Variants in CHODL observed in about 807,000 individuals in gnomAD.
CHODL encodes chondrolectin, also known as transmembrane protein MT75.
In CHODL, 29 loss-of-function variants were observed where a neutral mutation model predicts 34.5. That is an observed-to-expected ratio of 0.84 (90% CI 0.63 to 1.15). The LOEUF (loss-of-function observed/expected upper bound fraction) is 1.15, where lower values mean the gene tolerates loss of function less well. Among genes scored for constraint, CHODL ranks in the 50% most tolerant of loss-of-function variants. The probability of loss-of-function intolerance (pLI) is 0.00; values close to 1 mark genes in which losing one functional copy is unlikely to be tolerated. For missense variants in CHODL, 332 were observed against 332.5 expected (o/e 1.00, Z 0.01); for synonymous variants, 125 against 116.1 (o/e 1.08, Z -0.49).
At chr21:18,041,109 T>C (rs1162493344) in intron 2 of CHODL, among the ~76,000 whole-genome samples, 3 of 151,984 alleles carry the variant, frequency 2.0e-5, no homozygotes, top group African/African-American at 7.2e-5. Context: ...TGATGATTTC[T>C]GTAAGCTGAA....
intron 2 of CHODL, among the ~76,000 whole-genome samples, chr21:18,108,512 C>T (rs1047613366): frequency 6.6e-6 from 1 of 152,144 alleles, no homozygotes; most frequent in Non-Finnish European, 1.5e-5. Context: ...TGATCAGCCC[C>T]AGATGAGGGT....
intron 2 of CHODL, among the ~76,000 whole-genome samples, chr21:18,100,457 G>T (rs1463972255): frequency 6.6e-6 from 1 of 152,006 alleles, no homozygotes; most frequent in Admixed American, 6.6e-5. Flanking sequence ...GAAAGGGGAT[G>T]GTGACTGTTT....
intron 1 of CHODL, among the ~76,000 whole-genome samples, chr21:18,018,383 G>A (rs1015164441): frequency 6.6e-6 from 1 of 152,158 alleles, no homozygotes; most frequent in African/African-American, 2.4e-5. Context: ...GGCCTAGTGG[G>A]AGGTATTTGG....
chr21:18,101,051 G>T lies in CHODL; in HGVS notation c.-45+73080G>T, dbSNP rs146716920. On this transcript the variant is annotated intron_variant, in intron 2 of 6. Coordinates refer to the CHODL transcript ENST00000400127. ...GTCCCCACCCAAATCTCATCTTGTA[G>T]CTCAATGATTCCCACGTGTTGTGGG... Among the ~76,000 whole-genome samples the T allele has an allele frequency of 1.2e-3, 176 of 152,200 alleles. 1 individual carries two copies. The highest frequency in any genetic ancestry group is 4.0e-3 in the African/African-American group (166 of 41,550).
intron 1 of CHODL, among the ~76,000 whole-genome samples, chr21:17,947,534 CACACACACAG>C (rs1033683525): frequency 1.3e-4 from 13 of 100,398 alleles, no homozygotes; most frequent in Admixed American, 3.4e-4. Flanking sequence ...TAATAAGAAA[CACACACACAG>C]ACACACACAC....
intron 2 of CHODL, among the ~76,000 whole-genome samples, chr21:18,084,276 CTG>C (rs1373185842): frequency 1.4e-5 from 2 of 146,114 alleles, no homozygotes; most frequent in African/African-American, 4.9e-5. Context: ...CCTGTTAAAC[CTG>C]TGAGTTATTT....
intron 2 of CHODL, among the ~76,000 whole-genome samples, chr21:18,101,369 T>C (rs1465945925): frequency 6.6e-6 from 1 of 152,174 alleles, no homozygotes; most frequent in African/African-American, 2.4e-5. Flanking sequence ...AATGGACCAA[T>C]ACAAATAGTA....
chr21:17,978,415 C>T (rs1443119780), intron 1 of CHODL, among the ~76,000 whole-genome samples: 3 of 137,624 alleles, frequency 2.2e-5, no homozygotes, highest in Non-Finnish European at 4.7e-5. Flanking sequence ...GAGCGAGACT[C>T]CGTATCAAAA....
intron 1 of CHODL, among the ~76,000 whole-genome samples, chr21:18,016,874 G>T (rs1056782165): frequency 6.6e-6 from 1 of 152,246 alleles, no homozygotes; most frequent in Non-Finnish European, 1.5e-5. Flanking sequence ...GGAGGTCAAA[G>T]GAGATTATTT....
At chr21:18,128,836 AAATT>A (rs1186189811) in intron 2 of CHODL, among the ~76,000 whole-genome samples, 1 of 152,086 alleles carries the variant, frequency 6.6e-6, no homozygotes, top group Non-Finnish European at 1.5e-5. Flanking sequence ...TTTATTTGTA[AAATT>A]AATAGTTTCA....
At chr21:18,184,501 G>A (rs1273159315) in intron 2 of CHODL, among the ~76,000 whole-genome samples, 1 of 152,138 alleles carries the variant, frequency 6.6e-6, no homozygotes, top group Admixed American at 6.5e-5. Flanking sequence ...GTCTGAAATA[G>A]GCATTGGTTT....
At chr21:17,953,280 A>G (rs905700329) in intron 1 of CHODL, among the ~76,000 whole-genome samples, 1 of 152,188 alleles carries the variant, frequency 6.6e-6, no homozygotes, top group Non-Finnish European at 1.5e-5. Flanking sequence ...TAGAGCAAGA[A>G]TTAGAACATA....
chr21:18,259,253 A>T (rs1259425904), intron 3 of CHODL, among the ~76,000 whole-genome samples: 1 of 152,226 alleles, frequency 6.6e-6, no homozygotes, highest in Non-Finnish European at 1.5e-5. Flanking sequence ...GCTTTTTTTT[A>T]AATAATTCAA....
At chr21:18,109,618 G>A (rs735548) in intron 2 of CHODL, among the ~76,000 whole-genome samples, 126,175 of 152,058 alleles carry the variant, frequency 0.83, 53,200 homozygotes, top group Non-Finnish European at 0.9. Context: ...TTTTTTACAT[G>A]CTTGTTTTTT....
chr21:18,109,734 T>C (rs2065323997), intron 2 of CHODL, among the ~76,000 whole-genome samples: 1 of 152,156 alleles, frequency 6.6e-6, no homozygotes, highest in South Asian at 2.1e-4. Flanking sequence ...ATTATTTCTC[T>C]TGCATGCAAC....
chr21:18,249,499 T>A (rs190460217), intron 1 of CHODL, among the ~76,000 whole-genome samples: 118 of 152,254 alleles, frequency 7.8e-4, no homozygotes, highest in Non-Finnish European at 1.0e-3. Context: ...AAAATCTAAT[T>A]CTGTTTAGAA....
intron 2 of CHODL, among the ~76,000 whole-genome samples, chr21:18,162,430 TCTCTC>T (rs2073106723): frequency 1.3e-5 from 2 of 151,758 alleles, no homozygotes; most frequent in Admixed American, 1.3e-4. Context: ...TCTCTCTCTC[TCTCTC>T]TTTCTCTTTC....
chr21:18,117,113 G>A (rs548132929), intron 2 of CHODL, among the ~76,000 whole-genome samples: 1 of 152,250 alleles, frequency 6.6e-6, no homozygotes, highest in African/African-American at 2.4e-5. Context: ...ATGTTAAACG[G>A]CAGAGTACAG....
chr21:17,963,754 T>C (rs902127423), intron 1 of CHODL, among the ~76,000 whole-genome samples: 6 of 152,190 alleles, frequency 3.9e-5, no homozygotes, highest in African/African-American at 1.4e-4. Flanking sequence ...CATTGGTTTC[T>C]GTATCTTTTT....
Sources: allele counts gnomAD v4.1 joint callset (sites outside exome capture counted in the v4.1 genomes callset), GRCh38; gene constraint gnomAD v4.1.1; transcripts MANE v1.5; gene names NCBI Gene and HGNC (gene_info 2026-07-23, HGNC 2026-07-21).